The following CDH13 variants were observed in gnomAD, a reference collection of about 807,000 sequenced individuals.
The protein encoded by CDH13 is cadherin-13.
CDH13 carries 24 observed loss-of-function variants against 63.8 expected under a neutral mutation model. The observed-to-expected ratio is 0.38, with a 90% CI of 0.27 to 0.53. The LOEUF is 0.53. CDH13 is among the 20% of genes least tolerant of loss of function. The pLI is 0.85. For synonymous variants in CDH13, 503 were observed against 355.3 expected, an observed-to-expected ratio of 1.42 and a Z score of -4.67; for missense variants, 1,049 against 903.1, an observed-to-expected ratio of 1.16 and a Z score of -2.07.
chr16:83,451,444 G>A (rs367627144), intron 6 of CDH13, among the ~76,000 whole-genome samples: 2 of 152,208 alleles, frequency 1.3e-5, no homozygotes, highest in Non-Finnish European at 2.9e-5. Flanking sequence ...TCCACAACCT[G>A]TGGCAATTGT....
At position 82,671,205 on chromosome 16, in the gene CDH13, AAAAG is replaced by A. The variant is rs1913202343; in HGVS notation, c.45+44071_45+44074del. Among the ~76,000 whole-genome samples the A allele has an allele frequency of 2.0e-5, 3 of 152,388 alleles. No homozygotes were observed. The South Asian group carries it at 6.2e-4, about 32-fold the overall frequency. On this transcript the variant is annotated intron_variant, in intron 1 of 13. Transcript: ENST00000567109. ...ATTGCTTGTAAATAAAGTAAATGAA[AAAAG>A]AACACAACTGTGTAAGTCACAAATG...
At chr16:82,885,466 C>T (rs868164611) in intron 2 of CDH13, among the ~76,000 whole-genome samples, 2 of 129,224 alleles carry the variant, frequency 1.5e-5, no homozygotes, top group Admixed American at 1.6e-4. Flanking sequence ...CATCCACCTA[C>T]CCATCCATCC....
chr16:83,229,494 G>GT (rs563617248), intron 5 of CDH13, among the ~76,000 whole-genome samples: 173 of 149,774 alleles, frequency 1.2e-3, no homozygotes, highest in Admixed American at 3.3e-3. Context: ...AATTTTGAGG[G>GT]TTTTTTTTTT....
chr16:83,092,713 A>G (rs1037960845), intron 3 of CDH13, among the ~76,000 whole-genome samples: 5 of 152,198 alleles, frequency 3.3e-5, no homozygotes, highest in Admixed American at 2.0e-4. Context: ...AAATTCAGGT[A>G]CATCCAGGTT....
chr16:83,501,389 C>G (rs555603943), intron 7 of CDH13, among the ~76,000 whole-genome samples: 2 of 152,200 alleles, frequency 1.3e-5, no homozygotes, highest in East Asian at 1.9e-4. Context: ...ATGAAAGACT[C>G]TCAGAGTCCT....
At chr16:82,683,539 C>T (rs1914766010) in intron 1 of CDH13, among the ~76,000 whole-genome samples, 1 of 152,160 alleles carries the variant, frequency 6.6e-6, no homozygotes, top group Admixed American at 6.5e-5. Flanking sequence ...AACAGCTAGA[C>T]CAAGGAGTCA....
chr16:83,247,102 G>C (rs1398547940), intron 5 of CDH13, among the ~76,000 whole-genome samples: 1 of 152,218 alleles, frequency 6.6e-6, no homozygotes, highest in Non-Finnish European at 1.5e-5. Flanking sequence ...GGAGGGCACT[G>C]TGGATTTTAG....
chr16:82,644,512 G>A lies in CDH13; in HGVS notation c.45+17375G>A, dbSNP rs373369792. Among the ~76,000 whole-genome samples, 8 of 152,190 alleles carry A rather than the reference G, an allele frequency of 5.3e-5. No individual in the cohort carries two copies. The highest frequency in any genetic ancestry group is 1.9e-4 in the African/African-American group (8 of 41,436). On this transcript the variant is annotated intron_variant, in intron 1 of 13. Transcript: ENST00000567109. This position sits in a 1 kb window ranked among gnomAD's most constrained non-coding sequence, Gnocchi z 5.7. ...CCATTAGCCATGCACAGTGAAACAA[G>A]GAAAGCAGCCTAGAGCTGGTCCCCA...
intron 2 of CDH13, among the ~76,000 whole-genome samples, chr16:82,870,925 T>A (rs965633291): frequency 6.6e-6 from 1 of 150,824 alleles, no homozygotes; most frequent in Non-Finnish European, 1.5e-5. Context: ...CCAATATTTA[T>A]CTTTCTGATA....
chr16:83,051,483 T>C (rs1308168255), intron 3 of CDH13, among the ~76,000 whole-genome samples: 1 of 152,248 alleles, frequency 6.6e-6, no homozygotes, highest in African/African-American at 2.4e-5. Flanking sequence ...GTACTAGGAA[T>C]TTCTTTTCAT....
intron 1 of CDH13, among the ~76,000 whole-genome samples, chr16:82,815,186 G>C (rs2037645906): frequency 1.3e-5 from 2 of 152,102 alleles, no homozygotes; most frequent in African/African-American, 4.8e-5. Context: ...GCTCTGTAGG[G>C]AGTCGGAACA....
intron 2 of CDH13, among the ~76,000 whole-genome samples, chr16:82,919,069 G>A (rs907581563): frequency 4.6e-5 from 7 of 151,780 alleles, no homozygotes; most frequent in African/African-American, 1.7e-4. Context: ...TTTCTGTTTG[G>A]CTTTTTGTTT....
intron 4 of CDH13, among the ~76,000 whole-genome samples, chr16:83,216,267 G>A (rs1268138071): frequency 6.6e-6 from 1 of 150,878 alleles, no homozygotes; most frequent in Non-Finnish European, 1.5e-5. Flanking sequence ...TCTAGAGAAT[G>A]GAAGATGTGG....
At chr16:83,786,776 C>A (rs914519703) in intron 13 of CDH13, among the ~76,000 whole-genome samples, 1 of 152,060 alleles carries the variant, frequency 6.6e-6, no homozygotes, top group South Asian at 2.1e-4. Flanking sequence ...TTAGTAGAGA[C>A]GAGGTTTCAC....
chr16:82,856,807 G>A lies in CDH13; in HGVS notation c.46-1555G>A, dbSNP rs35884581. 1.8e-3 allele frequency among the ~76,000 whole-genome samples: 272 copies of A among 151,624 alleles called. 3 individuals are homozygous for A. Among genetic ancestry groups the A allele is most frequent in the Non-Finnish European group, 2.7e-3 (182 of 67,848 alleles). On this transcript the variant is annotated intron_variant, in intron 1 of 13. Transcript: ENST00000567109. ...AGGGAAGAGAAGGCAGGTAATGAAT[G>A]TGAGTTATCAAGCTAGATTCTCTGG...
intron 1 of CDH13, among the ~76,000 whole-genome samples, chr16:82,659,122 C>T (rs926222116): frequency 1.3e-5 from 2 of 152,174 alleles, no homozygotes; most frequent in African/African-American, 4.8e-5. Flanking sequence ...AAACAGTGCA[C>T]AGTTGCTGCT....
At chr16:83,151,307 C>G (rs989262787) in intron 4 of CDH13, among the ~76,000 whole-genome samples, 1 of 152,144 alleles carries the variant, frequency 6.6e-6, no homozygotes. Flanking sequence ...ATGAAGATTT[C>G]CAGACTGTAC....
At chr16:83,201,315 A>G (rs1226489881) in intron 4 of CDH13, among the ~76,000 whole-genome samples, 1 of 152,214 alleles carries the variant, frequency 6.6e-6, no homozygotes, top group Non-Finnish European at 1.5e-5. Flanking sequence ...GACAACAGAT[A>G]TAAATATGTC....
intron 2 of CDH13, among the ~76,000 whole-genome samples, chr16:82,899,082 A>G (rs982823327): frequency 1.3e-5 from 2 of 152,198 alleles, no homozygotes; most frequent in Non-Finnish European, 2.9e-5. Flanking sequence ...TGAAGGGTCC[A>G]TCACAGTGTC....
Sources: allele counts gnomAD v4.1 joint callset (sites outside exome capture counted in the v4.1 genomes callset), GRCh38; gene constraint gnomAD v4.1.1; non-coding constraint Gnocchi (gnomAD v3.1); transcripts MANE v1.5; gene names NCBI Gene and HGNC (gene_info 2026-07-23, HGNC 2026-07-21).